CPNE5: variants seen among roughly 807,000 people sequenced by gnomAD.
CPNE5 encodes the protein copine 5.
A neutral mutation model predicts 81.1 loss-of-function variants in CPNE5; 42 were observed. The observed-to-expected ratio is 0.52, with a 90% confidence interval of 0.40 to 0.67. The LOEUF is 0.67. CPNE5 is among the 30% of genes least tolerant of loss of function. CPNE5 has a pLI of 0.00. For synonymous variants in CPNE5, 313 were observed against 321.5 expected (o/e 0.97, Z 0.28); for missense variants, 612 against 815.5 (o/e 0.75, Z 3.04).
intron 3 of CPNE5, among the ~76,000 whole-genome samples, chr6:36,808,098 C>A (rs1561807194): frequency 6.7e-6 from 1 of 148,640 alleles, no homozygotes; most frequent in East Asian, 2.0e-4. Context: ...TTTCTTTTTT[C>A]TTTTTTTTTT....
intron 3 of CPNE5, among the ~76,000 whole-genome samples, chr6:36,804,894 G>C (rs1770447970): frequency 6.6e-6 from 1 of 152,222 alleles, no homozygotes. Flanking sequence ...GACAGTGACA[G>C]ATTACTAAGA....
intron 8 of CPNE5, among the ~76,000 whole-genome samples, chr6:36,782,574 G>A (rs1768126639): frequency 1.3e-5 from 2 of 152,064 alleles, no homozygotes; most frequent in African/African-American, 4.8e-5. Flanking sequence ...GGGGGCCGAG[G>A]TGGTGGATCA....
At position 36,752,861 on chromosome 6, in the gene CPNE5, G is replaced by C. The variant is rs377478476; in HGVS notation, c.971+173C>G. ...GCTGCTTGGGATCTGGGGATGTGCAGGGCTCTGGATGAGTTGTCTCAGCCC... is the reference window on the plus strand; with the variant it reads ...GCTGCTTGGGATCTGGGGATGTGCACGGCTCTGGATGAGTTGTCTCAGCCC... On this transcript the variant is annotated intron_variant, in intron 14 of 20. Transcript: ENST00000244751. 8.5e-5 allele frequency among the ~76,000 whole-genome samples: 13 copies of C among 152,330 alleles called. No homozygotes were observed. The East Asian group carries it at 2.1e-3, about 25-fold the overall frequency.
At chr6:36,744,395 CA>C in intron 18 of CPNE5, 70 bp from the exon 19 acceptor site, 1 of 1,249,664 alleles carries the variant, frequency 8.0e-7, no homozygotes, top group South Asian at 1.3e-5. Flanking sequence ...AAGGAGAAAT[CA>C]GGGGTAGGAC....
At chr6:36,798,896 C>G (rs1397662449) in intron 4 of CPNE5, among the ~76,000 whole-genome samples, 2 of 152,196 alleles carry the variant, frequency 1.3e-5, no homozygotes, top group Non-Finnish European at 2.9e-5. Flanking sequence ...CTAGCCTTGG[C>G]TGCCCGTGGT....
intron 8 of CPNE5, among the ~76,000 whole-genome samples, chr6:36,789,697 T>C (rs1227099235): frequency 6.6e-6 from 1 of 152,170 alleles, no homozygotes; most frequent in East Asian, 1.9e-4. Flanking sequence ...TCCAGTGGCA[T>C]CCAGATCCTC....
At chr6:36,827,541 T>C (rs1772609430) in intron 1 of CPNE5, 1 of 985,288 alleles carries the variant, frequency 1.0e-6, no homozygotes, top group African/African-American at 1.7e-5. Context: ...AAATACCACA[T>C]GTTGAGACAC....
rs766559160 is a variant in CPNE5 at position 36,762,903 on chromosome 6, G to A, written c.855+14C>T. The A allele has an allele frequency of 1.2e-5, 20 of 1,612,474 alleles. No individual in the cohort carries two copies. The Middle Eastern group carries it at 6.6e-4, about 53-fold the overall frequency. The stretch of plus-strand genomic sequence containing the variant: ...TTAGTAGTGCAAACCCTGGATTTCG[G>A]GTGCCCACCTCACCTCATAGATGTT... On this transcript the variant is annotated intron_variant, in intron 12 of 20. Coordinates refer to ENST00000244751, the MANE Select transcript of CPNE5 (RefSeq NM_020939.2).
In CPNE5 at chr6:36,799,069, G is replaced by A. The variant is rs77427518; in HGVS notation, c.288-575C>T. Among the ~76,000 whole-genome samples the A allele has an allele frequency of 2.9e-3, 438 of 152,162 alleles. 2 individuals are homozygous for A. The highest frequency in any genetic ancestry group is 0.014 in the Middle Eastern group (4 of 294). On this transcript the variant is annotated intron_variant, in intron 4 of 20. Coordinates refer to ENST00000244751, the MANE Select transcript of CPNE5 (RefSeq NM_020939.2). The stretch of plus-strand genomic sequence containing the variant: ...ACAGCTGGCCTCCTCCCCTCACCTG[G>A]GGCCTGCTCACCGGGGGCCTGATCA...
At chr6:36,822,886 C>T (rs576701001) in intron 2 of CPNE5, among the ~76,000 whole-genome samples, 172 bp downstream of exon 2, 17 of 152,332 alleles carry the variant, frequency 1.1e-4, no homozygotes, top group African/African-American at 3.6e-4. Flanking sequence ...AGGGTCAAAT[C>T]TCCGCAATTA....
intron 14 of CPNE5, among the ~76,000 whole-genome samples, chr6:36,749,984 C>A (rs2150371823): frequency 6.6e-6 from 1 of 152,324 alleles, no homozygotes; most frequent in Non-Finnish European, 1.5e-5. Context: ...CGGCAGTGAG[C>A]ATAGAATCAC....
In CPNE5 at chr6:36,798,459, T is replaced by C. The variant is rs751882671; in HGVS notation, c.323A>G (p.Lys108Arg). ...DVDSKSPDLS[K>R]HDFLGQAFCT... ...GCAGTTACTGGCAGAACTCACGTGT[T>C]TGGATAAATCAGGACTCTTAGAGTC... The change falls in exon 5 of 21, where the codon AAA (lysine) becomes AGA (arginine). Residue 108 changes from lysine (K) to arginine (R), a missense_variant. Transcript: ENST00000244751. 4 of 1,613,978 alleles carry C rather than the reference T, an allele frequency of 2.5e-6. No homozygotes were observed. The highest frequency in any genetic ancestry group is 3.3e-5 in the Admixed American group (2 of 59,998).
chr6:36,758,056 G>A (rs1049003492), intron 12 of CPNE5, among the ~76,000 whole-genome samples: 1 of 152,178 alleles, frequency 6.6e-6, no homozygotes, highest in Non-Finnish European at 1.5e-5. Context: ...AGGTGAGTGT[G>A]AGGGGAGGAG....
chr6:36,806,052 G>T (rs1008431442), intron 3 of CPNE5, among the ~76,000 whole-genome samples: 3 of 152,182 alleles, frequency 2.0e-5, no homozygotes, highest in Admixed American at 6.5e-5. Flanking sequence ...GAGAACCCAG[G>T]TTGGGCAAGC....
At chr6:36,801,315 T>G (rs1212828893) in intron 3 of CPNE5, among the ~76,000 whole-genome samples, 1 of 152,170 alleles carries the variant, frequency 6.6e-6, no homozygotes, top group East Asian at 1.9e-4. Flanking sequence ...GTAGGTCTAG[T>G]GGAGCCTGGG....
At chr6:36,820,199 C>G (rs374042924) in intron 3 of CPNE5, among the ~76,000 whole-genome samples, 1 of 152,160 alleles carries the variant, frequency 6.6e-6, no homozygotes, top group Non-Finnish European at 1.5e-5. Flanking sequence ...TCCCCTTCCC[C>G]GCTTTCCTCT....
intron 1 of CPNE5, among the ~76,000 whole-genome samples, chr6:36,833,306 G>A (rs151144511): frequency 2.4e-3 from 368 of 152,292 alleles, no homozygotes; most frequent in South Asian, 6.8e-3. Flanking sequence ...TTTAAAAGAC[G>A]TAGCAATTGT....
chr6:36,786,012 CA>C (rs36060316), intron 8 of CPNE5, among the ~76,000 whole-genome samples: 20,203 of 83,688 alleles, frequency 0.24, 835 homozygotes, highest in South Asian at 0.32. Context: ...GACTCCGTCT[CA>C]AAAAAAAAAA....
At chr6:36,759,944 C>T (rs1479513701) in intron 12 of CPNE5, among the ~76,000 whole-genome samples, 1 of 151,820 alleles carries the variant, frequency 6.6e-6, no homozygotes, top group African/African-American at 2.4e-5. Context: ...TGGTGGCTCA[C>T]ACCTGAAATC....
Sources: allele counts gnomAD v4.1 joint callset (sites outside exome capture counted in the v4.1 genomes callset), GRCh38; gene constraint gnomAD v4.1.1; transcripts MANE v1.5; gene names NCBI Gene and HGNC (gene_info 2026-07-23, HGNC 2026-07-21).